Variants in FRY observed in about 807,000 individuals in gnomAD.
The protein encoded by FRY is protein furry homolog.
Under a neutral mutation model 348.4 loss-of-function variants are expected in FRY, and 128 were observed. That is an observed-to-expected ratio of 0.37 (90% CI 0.32 to 0.43). The LOEUF is 0.43. Ranked by LOEUF, FRY falls within the 20% of genes least tolerant of loss-of-function variation. The pLI is 1.00. For missense variants in FRY, 2,736 were observed against 3,695.2 expected (o/e 0.74, Z 6.73); for synonymous variants, 1,370 against 1,374.7 (o/e 1.00, Z 0.08).
Position 32,237,629 on chromosome 13 carries a change from T to C in FRY, c.6061T>C (p.Ser2021Pro). 1 of 1,614,014 alleles carries C rather than the reference T, an allele frequency of 6.2e-7. No homozygotes were observed. Among genetic ancestry groups the C allele is most frequent in the Non-Finnish European group, 8.5e-7 (1 of 1,179,992 alleles). The part of the protein sequence containing the change: ...QQGLSSKTRS[S>P]SSLKDSLTDP... ...AGGCCTCTCCTCAAAAACCAGAAGC[T>C]CATCCTCCTTGAAGGACAGTCTCAC... is the stretch of plus-strand genomic sequence containing the variant. Residue 2021 changes from serine (S) to proline (P), a missense_variant, in exon 44 of 61, where the codon TCA (serine) becomes CCA (proline). Around this residue, in one of 9 missense-constraint regions of FRY, gnomAD observed 789 missense variants for 996.2 expected, o/e 0.79. Coordinates refer to ENST00000542859, the MANE Select transcript of FRY (RefSeq NM_023037.3). This position sits in a 1 kb window ranked among gnomAD's most constrained non-coding sequence, Gnocchi z 6.3.
chr13:32,273,427 T>C lies in FRY; in HGVS notation c.8137-1415T>C, dbSNP rs963661680. 2.6e-5 allele frequency among the ~76,000 whole-genome samples: 4 copies of C among 152,152 alleles called. No homozygotes were observed. The East Asian group carries it at 7.8e-4, about 30-fold the overall frequency. On this transcript the variant is annotated intron_variant, in intron 55 of 60. Transcript: ENST00000542859. ...TTAGTAGAGACGGGGTTTCACCGTG[T>C]TAGCCAGGATGGTCTCGATCTCCTG...
chr13:32,260,182 A>C (rs927809626), intron 51 of FRY, among the ~76,000 whole-genome samples: 12 of 152,242 alleles, frequency 7.9e-5, no homozygotes, highest in Admixed American at 2.6e-4. Flanking sequence ...TTAATAAATG[A>C]TAATGCTCAT....
intron 1 of FRY, among the ~76,000 whole-genome samples, chr13:32,051,644 C>G (rs57421979): frequency 0.01 from 1,566 of 152,292 alleles, 32 homozygotes; most frequent in African/African-American, 0.036. Context: ...TTTTTCAATT[C>G]AATTTTACCA....
At position 32,170,968 on chromosome 13, in the gene FRY, G is replaced by A. The variant is rs1384821949; in HGVS notation, c.1893-44G>A. 3 of 1,390,502 alleles carry A rather than the reference G, an allele frequency of 2.2e-6. No individual in the cohort carries two copies. The South Asian group carries it at 3.5e-5, about 16-fold the overall frequency. The allele number at this position is 1,390,502 out of a possible 1,614,324, so 86.1% of individuals were successfully genotyped here. ...AATCCTTGTTAGCTCTAGAAGACCA[G>A]TTAATAAAGTAAATGATTTTATTTT... is the stretch of plus-strand genomic sequence containing the variant. On this transcript the variant is annotated intron_variant, in intron 17 of 60. Transcript: ENST00000542859.
At chr13:32,061,131 G>A (rs756013326) in intron 1 of FRY, 9 of 533,274 alleles carry the variant, frequency 1.7e-5, no homozygotes, top group Middle Eastern at 3.2e-4. Context: ...TGTTGGAGAC[G>A]ATCCTGTGTG....
intron 23 of FRY, among the ~76,000 whole-genome samples, chr13:32,182,045 T>C (rs1243225082): frequency 6.6e-6 from 1 of 152,198 alleles, no homozygotes; most frequent in Non-Finnish European, 1.5e-5. Flanking sequence ...TGGAATGTCA[T>C]AGAGTTTATC....
chr13:32,240,800 A>G (rs774631465), intron 46 of FRY, among the ~76,000 whole-genome samples: 4 of 152,218 alleles, frequency 2.6e-5, no homozygotes, highest in Non-Finnish European at 2.9e-5. Flanking sequence ...AGGACAATCT[A>G]TCCTAGTTTT....
intron 23 of FRY, among the ~76,000 whole-genome samples, chr13:32,180,188 A>G (rs1427347713): frequency 6.6e-6 from 1 of 150,492 alleles, no homozygotes; most frequent in Non-Finnish European, 1.5e-5. Flanking sequence ...CATTGATAAA[A>G]CCCTTTCCAA....
chr13:32,287,955 T>C (rs1014506796), intron 58 of FRY: 15 of 566,730 alleles, frequency 2.6e-5, no homozygotes, highest in Middle Eastern at 3.2e-4. Flanking sequence ...TTTTTACCGT[T>C]ACTGTTACAT....
At chr13:32,105,163 G>A (rs527543435) in intron 3 of FRY, among the ~76,000 whole-genome samples, 3 of 152,314 alleles carry the variant, frequency 2.0e-5, no homozygotes, top group Admixed American at 1.3e-4. Context: ...TAATGTGATA[G>A]TATCAAGAGG....
In FRY at chr13:32,287,908, CTT is replaced by C. The variant is rs755147105; in HGVS notation, c.8470-1723_8470-1722del. 1.4e-5 allele frequency: 18 copies of C among 1,302,962 alleles called. No homozygotes were observed. The African/African-American group carries it at 1.8e-4, about 13-fold the overall frequency. The allele number at this position is 1,302,962 out of a possible 1,614,324, so 80.7% of individuals were successfully genotyped here. ...CAGTAAGTTAACTTTCTTTCATACT[CTT>C]TGTCCATTTAGGCATGGACCCATAA... On this transcript the variant is annotated intron_variant, in intron 58 of 60. Coordinates refer to ENST00000542859, the MANE Select transcript of FRY (RefSeq NM_023037.3).
chr13:32,292,010 T>A (rs890667465), intron 59 of FRY: 3 of 452,498 alleles, frequency 6.6e-6, no homozygotes, highest in African/African-American at 6.0e-5. Flanking sequence ...TGAGATGTAG[T>A]TGCACTCTGT....
chr13:32,086,168 A>T (rs987827645), intron 2 of FRY, among the ~76,000 whole-genome samples: 1 of 152,194 alleles, frequency 6.6e-6, no homozygotes, highest in Non-Finnish European at 1.5e-5. Flanking sequence ...AGCCCAAAAT[A>T]TGAAAGGCTG....
chr13:32,126,491 T>C (rs1342627073), intron 7 of FRY, among the ~76,000 whole-genome samples: 1 of 152,196 alleles, frequency 6.6e-6, no homozygotes, highest in Non-Finnish European at 1.5e-5. Context: ...TGGTGGCTTT[T>C]TTTATTTTCG....
In FRY at chr13:32,202,506, C is replaced by T. The variant is rs1206409387; in HGVS notation, c.3997C>T (p.Leu1333Phe). The change falls in exon 31 of 61, where the codon CTC (leucine) becomes TTC (phenylalanine). Residue 1333 changes from leucine to phenylalanine, a missense_variant. By Grantham distance (22) the Leu-to-Phe change is conservative. This residue lies in a region of FRY where 794 missense variants were observed against 977.0 expected (regional missense o/e 0.81). Transcript: ENST00000542859. ...TGAGCTGGCCAGGATGTACCCTGAG[C>T]TCACACTCCCCCTCTTCTCAGGTAC... ...SCELARMYPE[L>F]TLPLFSEVSQ... The T allele has an allele frequency of 6.2e-7, 1 of 1,613,690 alleles. No individual in the cohort carries two copies. Among genetic ancestry groups the T allele is most frequent in the Admixed American group, 1.7e-5 (1 of 60,008 alleles).
chr13:32,132,811 A>G (rs1458511868), intron 8 of FRY, among the ~76,000 whole-genome samples: 1 of 152,260 alleles, frequency 6.6e-6, no homozygotes, highest in Non-Finnish European at 1.5e-5. Context: ...TGATGAATGG[A>G]TAGATAAAAT....
intron 26 of FRY, 117 bp downstream of exon 26, chr13:32,185,265 G>C (rs1212111736): frequency 1.2e-6 from 1 of 850,302 alleles, no homozygotes; most frequent in Non-Finnish European, 2.0e-6. Flanking sequence ...GGATGGTGAA[G>C]TTTATTTACT....
chr13:32,052,880 G>A (rs965687758), intron 1 of FRY, among the ~76,000 whole-genome samples: 2 of 152,184 alleles, frequency 1.3e-5, no homozygotes, highest in African/African-American at 2.4e-5. Context: ...TTGGGAGGCC[G>A]AGGCAGGCAG....
intron 1 of FRY, chr13:32,060,964 A>C (rs1366007796): frequency 2.5e-6 from 1 of 392,894 alleles, no homozygotes; most frequent in Non-Finnish European, 5.2e-6. Context: ...CCAAAAATAT[A>C]AGGGCCCTGC....
Sources: gnomAD v4.1 joint callset for allele counts (sites outside exome capture counted in the v4.1 genomes callset) on GRCh38, gnomAD v4.1.1 for gene constraint, gnomAD v4.1.1 regional missense constraint, Gnocchi (gnomAD v3.1) non-coding constraint, MANE v1.5 for transcripts, NCBI Gene and HGNC (gene_info 2026-07-23, HGNC 2026-07-21) for gene names.